The following TMLHE variants were observed in gnomAD, a reference collection of about 807,000 sequenced individuals.
TMLHE encodes the protein trimethyllysine dioxygenase, mitochondrial.
In TMLHE, 18 loss-of-function variants were observed where a neutral mutation model predicts 25.7. The ratio of observed to expected loss-of-function variants is 0.70; its 90% CI spans 0.48 to 1.04. TMLHE has a LOEUF of 1.04. Among genes scored for constraint, TMLHE ranks in the 50% least tolerant of loss-of-function variants. TMLHE has a pLI of 0.00. For missense variants in TMLHE, 236 were observed against 259.0 expected (o/e 0.91, Z 0.61); for synonymous variants, 105 against 97.0 (o/e 1.08, Z -0.49).
At chrX:155,584,622 A>G (rs1370930933) in intron 1 of TMLHE, among the ~76,000 whole-genome samples, 2 of 111,412 alleles carry the variant, frequency 1.8e-5, no homozygotes, top group Non-Finnish European at 3.8e-5. Flanking sequence ...CAAGAGAAAA[A>G]TGTCTAGCCA....
At chrX:155,543,093 A>C (rs1557338369) in intron 2 of TMLHE, among the ~76,000 whole-genome samples, 1 of 111,438 alleles carries the variant, frequency 9.0e-6, no homozygotes, top group Non-Finnish European at 1.9e-5. Flanking sequence ...AGATTGCTTT[A>C]GCCATTCAGG....
intron 2 of TMLHE, among the ~76,000 whole-genome samples, chrX:155,536,846 G>C (rs2067281923): frequency 9.0e-6 from 1 of 111,641 alleles, no homozygotes; most frequent in Non-Finnish European, 1.9e-5. Flanking sequence ...TTGAGAAAGG[G>C]AATCTTCCAT....
intron 1 of TMLHE, among the ~76,000 whole-genome samples, chrX:155,580,127 A>G (rs1402247338): frequency 2.7e-5 from 3 of 111,720 alleles, no homozygotes; most frequent in African/African-American, 6.5e-5. Flanking sequence ...AGGAACATGA[A>G]CAACTCAACA....
intron 2 of TMLHE, among the ~76,000 whole-genome samples, chrX:155,541,492 G>A (rs1278039687): frequency 4.5e-5 from 5 of 111,628 alleles, no homozygotes; most frequent in African/African-American, 1.6e-4. Context: ...TGTGAACAGT[G>A]CTGCAATAAA....
intron 1 of TMLHE, among the ~76,000 whole-genome samples, chrX:155,573,744 AAC>A (rs1407111214): frequency 5.6e-4 from 27 of 48,366 alleles, no homozygotes; most frequent in South Asian, 1.4e-3. Flanking sequence ...CAAAAAACCA[AAC>A]ACTGCATATT....
At chrX:155,530,344 T>C (rs782395079) in intron 2 of TMLHE, among the ~76,000 whole-genome samples, 59 of 111,122 alleles carry the variant, frequency 5.3e-4, no homozygotes, top group Non-Finnish European at 9.8e-4. Context: ...ATGATCTCAT[T>C]TGTATCCGGA....
intron 1 of TMLHE, among the ~76,000 whole-genome samples, chrX:155,573,821 T>C (rs1225794815): frequency 2.4e-5 from 1 of 41,171 alleles, no homozygotes; most frequent in Admixed American, 3.9e-4. Flanking sequence ...CATCACACTC[T>C]GGGGACTGTT....
chrX:155,544,722 AT>A (rs1212392312), intron 2 of TMLHE, among the ~76,000 whole-genome samples: 3 of 108,711 alleles, frequency 2.8e-5, no homozygotes, highest in East Asian at 2.9e-4. Flanking sequence ...TCTTTTCTTT[AT>A]TTTTTTTTCC....
chrX:155,532,693 G>A (rs1201387744), intron 2 of TMLHE, among the ~76,000 whole-genome samples: 1 of 107,912 alleles, frequency 9.3e-6, no homozygotes, highest in Admixed American at 1.0e-4. Flanking sequence ...GTGTGTGTGT[G>A]TGTGTGTGTG....
intron 1 of TMLHE, among the ~76,000 whole-genome samples, chrX:155,599,646 T>C (rs1450402183): frequency 8.9e-6 from 1 of 112,052 alleles, no homozygotes; most frequent in Non-Finnish European, 1.9e-5. Flanking sequence ...ATAACAAACA[T>C]ACTTAACAGT....
chrX:155,525,947 A>G (rs1557336412), intron 2 of TMLHE, among the ~76,000 whole-genome samples: 1 of 112,818 alleles, frequency 8.9e-6, no homozygotes, highest in East Asian at 2.8e-4. Context: ...AGATGGTATG[A>G]AATTGGAACT....
intron 1 of TMLHE, among the ~76,000 whole-genome samples, chrX:155,587,694 G>A (rs1557345450): frequency 8.9e-6 from 1 of 112,086 alleles, no homozygotes. Flanking sequence ...ACAAAAATCA[G>A]TAGTGTTTAT....
At chrX:155,591,535 C>A (rs1357562767) in intron 1 of TMLHE, among the ~76,000 whole-genome samples, 1 of 111,711 alleles carries the variant, frequency 9.0e-6, no homozygotes, top group Non-Finnish European at 1.9e-5. Flanking sequence ...GGGAAATCCA[C>A]AAATATTTAA....
intron 1 of TMLHE, among the ~76,000 whole-genome samples, chrX:155,603,369 T>TGAAAGAAAGAAAGAAA (rs202078084): frequency 4.6e-3 from 461 of 99,294 alleles, no homozygotes; most frequent in African/African-American, 0.014. Context: ...AAAGAAAGAA[T>TGAAAGAAAGAAAGAAA]GAAAGAAAGA....
intron 2 of TMLHE, among the ~76,000 whole-genome samples, chrX:155,543,627 C>G (rs180671589): frequency 2.5e-3 from 282 of 112,083 alleles, no homozygotes; most frequent in African/African-American, 8.8e-3. Flanking sequence ...TTCAATGCAG[C>G]TCCTGTCAAA....
At chrX:155,557,404 C>G (rs1557341062) in intron 1 of TMLHE, among the ~76,000 whole-genome samples, 1 of 112,242 alleles carries the variant, frequency 8.9e-6, no homozygotes, top group East Asian at 2.8e-4. Context: ...CCGCAACAAC[C>G]TATAGAACTG....
chrX:155,540,919 A>T (rs782551429), intron 2 of TMLHE, among the ~76,000 whole-genome samples: 7 of 111,829 alleles, frequency 6.3e-5, no homozygotes, highest in Non-Finnish European at 9.4e-5. Flanking sequence ...AAAAAGTATT[A>T]TAACTAATAA....
At chrX:155,537,963 T>C (rs1557337787) in intron 2 of TMLHE, among the ~76,000 whole-genome samples, 1 of 112,126 alleles carries the variant, frequency 8.9e-6, no homozygotes, top group Non-Finnish European at 1.9e-5. Flanking sequence ...TTACTTCACA[T>C]AGTTATTATT....
chrX:155,537,470 C>A (rs191863046), intron 2 of TMLHE, among the ~76,000 whole-genome samples: 1 of 111,046 alleles, frequency 9.0e-6, no homozygotes, highest in East Asian at 2.8e-4. Flanking sequence ...TCAAAATTTT[C>A]ATTTAAAACA....
Sources: allele counts gnomAD v4.1 joint callset (sites outside exome capture counted in the v4.1 genomes callset), GRCh38; gene constraint gnomAD v4.1.1; transcripts MANE v1.5; gene names NCBI Gene and HGNC (gene_info 2026-07-23, HGNC 2026-07-21).